Variants in SEMA4D observed in about 807,000 individuals in gnomAD.
SEMA4D encodes semaphorin 4D.
Under a neutral mutation model 74.8 loss-of-function variants are expected in SEMA4D, and 22 were observed. The ratio of observed to expected loss-of-function variants is 0.29; its 90% CI spans 0.21 to 0.42. The LOEUF (loss-of-function observed/expected upper bound fraction) is 0.42, where lower values mean the gene tolerates loss of function less well. Ranked by LOEUF, SEMA4D falls within the 10% of genes least tolerant of loss-of-function variation. The pLI is 1.00. For missense variants in SEMA4D, 937 were observed against 1,118.4 expected, an observed-to-expected ratio of 0.84 and a Z score of 2.31; for synonymous variants, 445 against 463.7, an observed-to-expected ratio of 0.96 and a Z score of 0.52.
At chr9:89,362,069 A>C in exon 19 of SEMA4D, 1 of 495,090 alleles carries the variant, frequency 2.0e-6, no homozygotes, top group Non-Finnish European at 3.7e-6. Flanking sequence ...TAGAGGAGGA[A>C]CCTGCACACA....
chr9:89,457,663 T>TC (rs1443686184), intron 1 of SEMA4D, among the ~76,000 whole-genome samples: 1 of 150,838 alleles, frequency 6.6e-6, no homozygotes, highest in Non-Finnish European at 1.5e-5. Context: ...GCCCAGGTTG[T>TC]CAAGCAGTGA....
chr9:89,496,032 G>A (rs776475904), intron 1 of SEMA4D, among the ~76,000 whole-genome samples: 1 of 152,138 alleles, frequency 6.6e-6, no homozygotes, highest in Non-Finnish European at 1.5e-5. Flanking sequence ...AGCGGCTCTA[G>A]GTAACATCTG....
At position 89,402,937 on chromosome 9, in the gene SEMA4D, C is replaced by G. The variant is rs775025271; in HGVS notation, c.186G>C (p.Leu62Phe). Residue 62 changes from leucine (L) to phenylalanine (F), a missense_variant, in exon 4 of 16, where the codon TTG (leucine) becomes TTC (phenylalanine). Physicochemically the swap from Leu to Phe is conservative, Grantham distance 22 (BLOSUM62 0). Coordinates refer to ENST00000422704, the MANE Select transcript of SEMA4D (RefSeq NM_001371194.2). ...ALLLSEDKDT[L>F]YIGAREAVFA... The stretch of plus-strand genomic sequence containing the variant: ...AGACCGCCTCCCGGGCACCTATGTA[C>G]AAGGTGTCCTTGTCCTCGCTCAGCA... 2 of 1,614,162 alleles carry G rather than the reference C, an allele frequency of 1.2e-6. No homozygotes were observed. The highest frequency in any genetic ancestry group is 2.7e-5 in the African/African-American group (2 of 75,058).
chr9:89,421,122 T>A (rs183446915), intron 2 of SEMA4D, among the ~76,000 whole-genome samples: 1 of 152,220 alleles, frequency 6.6e-6, no homozygotes, highest in Non-Finnish European at 1.5e-5. Context: ...CAGGTCCACA[T>A]AGACTCCTGG....
intron 1 of SEMA4D, among the ~76,000 whole-genome samples, chr9:89,474,267 C>T (rs1861200126): frequency 6.6e-6 from 1 of 152,210 alleles, no homozygotes; most frequent in Admixed American, 6.5e-5. Flanking sequence ...TTTACCCAGC[C>T]CTGTGCATCG....
intron 1 of SEMA4D, among the ~76,000 whole-genome samples, chr9:89,464,126 C>G (rs1283619880): frequency 6.6e-6 from 1 of 152,092 alleles, no homozygotes; most frequent in Non-Finnish European, 1.5e-5. Flanking sequence ...TCCCCCACCC[C>G]CAAGAAAACT....
At chr9:89,397,713 C>A (rs1841304611) in intron 5 of SEMA4D, among the ~76,000 whole-genome samples, 1 of 152,250 alleles carries the variant, frequency 6.6e-6, no homozygotes, top group East Asian at 1.9e-4. Context: ...ATTTCCTAAT[C>A]TAACTTTGGA....
intron 2 of SEMA4D, among the ~76,000 whole-genome samples, chr9:89,441,285 T>TG (rs1851615555): frequency 6.6e-6 from 1 of 152,270 alleles, no homozygotes; most frequent in Non-Finnish European, 1.5e-5. Context: ...CGGGCGGCAC[T>TG]GTTCCTCCCA....
At chr9:89,423,318 A>G (rs12115407) in intron 2 of SEMA4D, among the ~76,000 whole-genome samples, 3 of 151,794 alleles carry the variant, frequency 2.0e-5, no homozygotes, top group East Asian at 1.9e-4. Context: ...CAGCCTCCCA[A>G]GTAGTTGGGA....
chr9:89,494,052 C>A (rs542120681), intron 1 of SEMA4D, among the ~76,000 whole-genome samples: 1 of 152,300 alleles, frequency 6.6e-6, no homozygotes, highest in South Asian at 2.1e-4. Context: ...TTCAGAGGAT[C>A]AATAACTATT....
chr9:89,433,624 C>T (rs1194752483), intron 2 of SEMA4D, among the ~76,000 whole-genome samples: 1 of 152,208 alleles, frequency 6.6e-6, no homozygotes, highest in Non-Finnish European at 1.5e-5. Context: ...ACCTCCCACC[C>T]CTGCATGTAG....
intron 2 of SEMA4D, among the ~76,000 whole-genome samples, chr9:89,441,992 T>TA (rs1408513915): frequency 2.0e-5 from 3 of 152,240 alleles, no homozygotes; most frequent in African/African-American, 7.2e-5. Flanking sequence ...CATTGGACTG[T>TA]AAGGCTCTGT....
intron 2 of SEMA4D, among the ~76,000 whole-genome samples, chr9:89,435,861 C>G (rs776007552): frequency 2.0e-5 from 3 of 152,182 alleles, no homozygotes; most frequent in Non-Finnish European, 4.4e-5. Flanking sequence ...ATAAATGAAA[C>G]TTAAATAAAG....
At chr9:89,462,885 A>G (rs562999730) in intron 1 of SEMA4D, among the ~76,000 whole-genome samples, 1 of 29,248 alleles carries the variant, frequency 3.4e-5, no homozygotes, top group South Asian at 1.3e-3. Flanking sequence ...TTGAGGCTGC[A>G]GAGAGCTGTG....
chr9:89,450,183 C>T (rs1854006375), intron 2 of SEMA4D: 1 of 1,258,488 alleles, frequency 7.9e-7, no homozygotes, highest in Non-Finnish European at 1.2e-6. Context: ...CACAGACAAG[C>T]AGAAGAAGGA....
chr9:89,434,443 TA>T (rs1849955952), intron 2 of SEMA4D, among the ~76,000 whole-genome samples: 3 of 152,190 alleles, frequency 2.0e-5, no homozygotes, highest in Non-Finnish European at 4.4e-5. Flanking sequence ...TTCATGTATG[TA>T]AAAATGTTAG....
intron 4 of SEMA4D, among the ~76,000 whole-genome samples, chr9:89,401,075 G>C (rs571719764): frequency 6.6e-6 from 1 of 152,242 alleles, no homozygotes; most frequent in Admixed American, 6.5e-5. Context: ...GTTTTTTTGA[G>C]ACAGGGTCTC....
chr9:89,391,541 T>G (rs769120434), intron 8 of SEMA4D, 126 bp from the exon 9 acceptor site: 72 of 851,188 alleles, frequency 8.5e-5, no homozygotes, highest in Non-Finnish European at 1.2e-4. Flanking sequence ...ATGTCTGGAG[T>G]GTGCACATGC....
chr9:89,374,207 T>G (rs941858071), downstream of SEMA4D, among the ~76,000 whole-genome samples: 6 of 152,160 alleles, frequency 3.9e-5, no homozygotes, highest in East Asian at 1.2e-3. Flanking sequence ...ATCTGTTCAG[T>G]CCATCCTGAG....
Sources: allele counts gnomAD v4.1 joint callset (sites outside exome capture counted in the v4.1 genomes callset), GRCh38; gene constraint gnomAD v4.1.1; transcripts MANE v1.5; gene names NCBI Gene and HGNC (gene_info 2026-07-23, HGNC 2026-07-21).